Variants in CDCP1 observed in about 807,000 individuals in gnomAD.
CDCP1 encodes the protein CUB domain-containing protein 1.
CDCP1 carries 29 observed loss-of-function variants against 60.2 expected under a neutral mutation model. That is an observed-to-expected ratio of 0.48 (90% CI 0.36 to 0.66). CDCP1 has a LOEUF of 0.66. Among genes scored for constraint, CDCP1 ranks in the 30% least tolerant of loss-of-function variants. CDCP1 has a pLI of 0.00. For missense variants in CDCP1, 876 were observed against 1,074.3 expected (o/e 0.82, Z 2.58); for synonymous variants, 387 against 431.1 (o/e 0.90, Z 1.27).
intron 4 of CDCP1, among the ~76,000 whole-genome samples, chr3:45,101,838 A>T (rs985165378): frequency 6.8e-6 from 1 of 147,896 alleles, no homozygotes; most frequent in South Asian, 2.2e-4. Context: ...GTGAGCCGAG[A>T]TCGCACCATT....
At position 45,095,527 on chromosome 3, in the gene CDCP1, A is replaced by G. The variant is rs756775582; in HGVS notation, c.1066T>C (p.Ser356Pro). 1 of 1,614,158 alleles carries G rather than the reference A, an allele frequency of 6.2e-7. No individual in the cohort carries two copies. Among genetic ancestry groups the G allele is most frequent in the East Asian group, 2.2e-5 (1 of 44,880 alleles). ...VVDLSNERAM[S>P]LTIEPRPVKQ... ...ACGGGCCGTGGCTCGATGGTGAGTG[A>G]CATGGCTCGCTCATTACTCAAGTCA... Residue 356 changes from serine to proline, a missense_variant, in exon 5 of 9, where the codon TCA becomes CCA. By Grantham distance (74) the Ser-to-Pro change is moderately conservative (BLOSUM62 -1). Coordinates refer to ENST00000296129, the MANE Select transcript of CDCP1 (RefSeq NM_022842.5).
chr3:45,093,246 G>T, intron 6 of CDCP1, 31 bp downstream of exon 6: 1 of 1,585,260 alleles, frequency 6.3e-7, no homozygotes. Flanking sequence ...TTAAACTAAA[G>T]GGGCATGGAG....
chr3:45,136,704 A>C (rs1380663902), intron 1 of CDCP1, among the ~76,000 whole-genome samples: 1 of 152,250 alleles, frequency 6.6e-6, no homozygotes, highest in Non-Finnish European at 1.5e-5. Flanking sequence ...TTCTTGCAGG[A>C]AGTAACTTTA....
chr3:45,108,795 A>G lies in CDCP1; in HGVS notation c.1024+1678T>C, dbSNP rs1280790623. On this transcript the variant is annotated intron_variant, in intron 4 of 8. Transcript: ENST00000296129. ...TGCATGTATACATATATATGCATGT[A>G]TATATATATATGCATGTATACATAT... Among the ~76,000 whole-genome samples the G allele has an allele frequency of 9.1e-5, 3 of 33,026 alleles. 1 individual carries two copies. Among genetic ancestry groups the G allele is most frequent in the Admixed American group, 7.4e-4 (2 of 2,696 alleles). 21.7% of individuals were successfully genotyped at this position (33,026 alleles called of 152,430 possible).
chr3:45,101,331 G>A (rs576601756), intron 4 of CDCP1, among the ~76,000 whole-genome samples: 1 of 152,242 alleles, frequency 6.6e-6, no homozygotes, highest in South Asian at 2.1e-4. Context: ...AGGCTAGGAA[G>A]TGGTAAGACT....
At chr3:45,099,698 C>G (rs966190416) in intron 4 of CDCP1, among the ~76,000 whole-genome samples, 1 of 152,056 alleles carries the variant, frequency 6.6e-6, no homozygotes, top group Non-Finnish European at 1.5e-5. Context: ...CTTCACTCCA[C>G]TTTCTGGGAG....
intron 1 of CDCP1, among the ~76,000 whole-genome samples, chr3:45,123,405 T>C (rs1211671900): frequency 1.3e-5 from 2 of 152,152 alleles, no homozygotes; most frequent in Non-Finnish European, 2.9e-5. Context: ...ACAACTAAGC[T>C]AAAGACACAT....
intron 1 of CDCP1, among the ~76,000 whole-genome samples, chr3:45,121,836 A>G (rs1258234354): frequency 6.6e-6 from 1 of 152,250 alleles, no homozygotes; most frequent in Non-Finnish European, 1.5e-5. Context: ...TGTAAGCTAT[A>G]CCTTAATAAA....
At chr3:45,132,868 C>T (rs1282179203) in intron 1 of CDCP1, among the ~76,000 whole-genome samples, 1 of 152,190 alleles carries the variant, frequency 6.6e-6, no homozygotes. Context: ...CCTCCAGTGA[C>T]TCACATCCTT....
intron 1 of CDCP1, 36 bp downstream of exon 1, chr3:45,146,170 A>G: frequency 3.2e-6 from 5 of 1,547,992 alleles, no homozygotes; most frequent in Non-Finnish European, 4.4e-6. Context: ...CTAGCTCACC[A>G]CTCCACGCCA....
At chr3:45,140,233 T>C (rs1019691261) in intron 1 of CDCP1, among the ~76,000 whole-genome samples, 1 of 152,230 alleles carries the variant, frequency 6.6e-6, no homozygotes, top group Non-Finnish European at 1.5e-5. Flanking sequence ...TTCAACTCTA[T>C]ATAATCTTTG....
intron 1 of CDCP1, among the ~76,000 whole-genome samples, chr3:45,131,530 C>A (rs1215579661): frequency 6.6e-6 from 1 of 152,200 alleles, no homozygotes; most frequent in Non-Finnish European, 1.5e-5. Context: ...TAAGTGGAAT[C>A]AGACAGTACT....
chr3:45,089,361 C>T (rs1698253523), intron 7 of CDCP1, among the ~76,000 whole-genome samples: 1 of 152,170 alleles, frequency 6.6e-6, no homozygotes, highest in Admixed American at 6.5e-5. Context: ...CAGTTCTGGG[C>T]CTAACTTTTA....
rs143988837 is a variant in CDCP1, at chr3:45,089,135, G to A, written c.2000C>T (p.Thr667Ile). The A allele has an allele frequency of 1.9e-6, 3 of 1,613,840 alleles. No individual in the cohort carries two copies. The highest frequency in any genetic ancestry group is 1.1e-5 in the South Asian group (1 of 91,036). ...TCCCACCGCTGCGATGAGGATGACA[G>A]TCAAGTCTGTGAGCAGAGACATAAA... is the stretch of plus-strand genomic sequence containing the variant. ...VTLTPRTVDL[T>I]VILIAAVGGG... is the part of the protein sequence containing the mutation. The change falls in exon 8 of 9, where the codon ACT becomes ATT. Residue 667 changes from threonine to isoleucine, a missense_variant. Around this residue, in one of 2 missense-constraint regions of CDCP1, gnomAD observed 726 missense variants for 935.7 expected, o/e 0.78. Transcript: ENST00000296129.
chr3:45,098,499 TC>T, intron 4 of CDCP1, among the ~76,000 whole-genome samples: 1 of 152,242 alleles, frequency 6.6e-6, no homozygotes, highest in Non-Finnish European at 1.5e-5. Context: ...CACACTCCGT[TC>T]CATTGCTGCC....
chr3:45,084,888 A>G lies in CDCP1; in HGVS notation c.*750T>C, dbSNP rs896128089. 1.3e-5 allele frequency: 2 copies of G among 152,664 alleles called. No homozygotes were observed. The highest frequency in any genetic ancestry group is 6.5e-5 in the Admixed American group (1 of 15,288). 9.5% of individuals were successfully genotyped at this position (152,664 alleles called of 1,614,324 possible). A position where few individuals can be genotyped will look rare whatever the true frequency, so the allele number is the denominator to read the frequency against. ...ACTTGAGGAAATTTCTCTTATTGCT[A>G]GGACTATAGGACAATGGGATTCAAG... is the stretch of plus-strand genomic sequence containing the variant. On this transcript the variant is annotated 3_prime_UTR_variant, in exon 9 of 9. Coordinates refer to ENST00000296129, the MANE Select transcript of CDCP1 (RefSeq NM_022842.5).
intron 1 of CDCP1, among the ~76,000 whole-genome samples, chr3:45,140,062 A>T (rs1179781817): frequency 6.6e-6 from 1 of 152,230 alleles, no homozygotes; most frequent in African/African-American, 2.4e-5. Context: ...ATCTCTTTGG[A>T]TGCATATGGC....
At chr3:45,101,715 C>T (rs187937007) in intron 4 of CDCP1, among the ~76,000 whole-genome samples, 8 of 152,042 alleles carry the variant, frequency 5.3e-5, no homozygotes, top group Non-Finnish European at 7.4e-5. Context: ...GGTGAAACCC[C>T]ATCTCTACTA....
intron 4 of CDCP1, among the ~76,000 whole-genome samples, chr3:45,107,840 G>C (rs1019055931): frequency 3.9e-5 from 6 of 152,160 alleles, no homozygotes; most frequent in African/African-American, 9.7e-5. Context: ...ATGAGGGCTG[G>C]GAGTGGTGGC....
Sources: gnomAD v4.1 joint callset for allele counts (sites outside exome capture counted in the v4.1 genomes callset) on GRCh38, gnomAD v4.1.1 for gene constraint, gnomAD v4.1.1 regional missense constraint, MANE v1.5 for transcripts, NCBI Gene and HGNC (gene_info 2026-07-23, HGNC 2026-07-21) for gene names.